The following NPC1 variants were observed in gnomAD, a reference collection of about 807,000 sequenced individuals.
NPC1 encodes NPC intracellular cholesterol transporter 1, also known as Niemann-Pick C1 protein.
A neutral mutation model predicts 140.4 loss-of-function variants in NPC1; 85 were observed. That is an observed-to-expected ratio of 0.61 (90% CI 0.51 to 0.72). NPC1 has a LOEUF of 0.72. NPC1 is among the 30% of genes least tolerant of loss of function. The probability of loss-of-function intolerance (pLI) is 0.00; values close to 1 mark genes in which losing one functional copy is unlikely to be tolerated. For synonymous variants in NPC1, 656 were observed against 624.8 expected (o/e 1.05, Z -0.74); for missense variants, 1,504 against 1,623.8 (o/e 0.93, Z 1.27).
chr18:23,530,622 C>T (rs1567937841), downstream of NPC1: 41 of 1,609,958 alleles, frequency 2.5e-5, no homozygotes, highest in Non-Finnish European at 2.9e-5. Context: ...GGTGAGAATG[C>T]AATGAAAAGA....
At chr18:23,540,964 T>A (rs2058704714) in intron 16 of NPC1, 104 bp downstream of exon 16, 1 of 1,340,678 alleles carries the variant, frequency 7.5e-7, no homozygotes, top group Non-Finnish European at 1.1e-6. Context: ...AGATACATTT[T>A]AACAGCTTTA....
chr18:23,539,516 G>T, intron 18 of NPC1, 46 bp from the exon 19 acceptor site: 1 of 1,331,800 alleles, frequency 7.5e-7, no homozygotes, highest in Non-Finnish European at 1.1e-6. Context: ...CAGGGAGGAA[G>T]TCTTTAGTTT....
intron 4 of NPC1, among the ~76,000 whole-genome samples, chr18:23,564,517 C>A (rs959260581): frequency 1.3e-5 from 2 of 151,526 alleles, no homozygotes; most frequent in African/African-American, 2.4e-5. Flanking sequence ...GACACAGGGT[C>A]TCACTTTGTC....
At chr18:23,517,552 T>TG (rs2058041786), downstream of NPC1, among the ~76,000 whole-genome samples, 1 of 152,234 alleles carries the variant, frequency 6.6e-6, no homozygotes, top group South Asian at 2.1e-4. Context: ...AACCCCTGTA[T>TG]GCCTGTATCT....
intron 8 of NPC1, among the ~76,000 whole-genome samples, chr18:23,555,480 AACAG>A (rs1338297768): frequency 1.3e-5 from 2 of 152,280 alleles, no homozygotes; most frequent in African/African-American, 2.4e-5. Context: ...TGGAAAAAGC[AACAG>A]ACAGTCACTG....
At chr18:23,565,022 T>G (rs2059102686) in intron 4 of NPC1, among the ~76,000 whole-genome samples, 1 of 152,228 alleles carries the variant, frequency 6.6e-6, no homozygotes, top group East Asian at 1.9e-4. Flanking sequence ...ATTCCATTGA[T>G]CTATATGTCT....
At position 23,535,576 on chromosome 18, in the gene NPC1, C is replaced by T; in HGVS notation, c.3370G>A (p.Ala1124Thr). The change falls in exon 22 of 25, where the codon GCA becomes ACA. Residue 1124 changes from alanine (A) to threonine (T), a missense_variant. Coordinates refer to ENST00000269228, the MANE Select transcript of NPC1 (RefSeq NM_000271.5). The part of the protein sequence containing the change: ...MVLLGCELWS[A>T]VIMCATIAMV... Reference sequence around the variant, plus strand: ...GCGATGGTGGCACACATGATGACTGCAGACCAGAGCTCACAGCCCAGGAGG... The same window carrying T: ...GCGATGGTGGCACACATGATGACTGTAGACCAGAGCTCACAGCCCAGGAGG... The T allele has an allele frequency of 1.9e-6, 3 of 1,614,090 alleles. No homozygotes were observed. The South Asian group carries it at 3.3e-5, about 18-fold the overall frequency.
intron 9 of NPC1, among the ~76,000 whole-genome samples, chr18:23,552,868 G>A (rs920426862): frequency 1.3e-5 from 2 of 152,190 alleles, no homozygotes; most frequent in Non-Finnish European, 2.9e-5. Flanking sequence ...TGAGGAAGGC[G>A]AGGGCGAGGC....
chr18:23,582,399 C>A lies in NPC1; in HGVS notation c.57+3888G>T, dbSNP rs568391595. The stretch of plus-strand genomic sequence containing the variant: ...TGAAGAAAAACCTGGCTGGCCGCAG[C>A]TGATCACTGCCATCACCTAGAAACC... On this transcript the variant is annotated intron_variant, in intron 1 of 24. Transcript: ENST00000269228. 3.9e-5 allele frequency among the ~76,000 whole-genome samples: 6 copies of A among 152,316 alleles called. No homozygotes were observed. The South Asian group carries it at 6.2e-4, about 16-fold the overall frequency.
At chr18:23,575,548 G>A (rs1232171067) in intron 1 of NPC1, among the ~76,000 whole-genome samples, 2 of 151,972 alleles carry the variant, frequency 1.3e-5, no homozygotes, top group East Asian at 3.9e-4. Flanking sequence ...GATCAAATAA[G>A]GGCCTATCTG....
chr18:23,515,192 G>A (rs550528202), intron 3 of NPC1, among the ~76,000 whole-genome samples: 18 of 152,274 alleles, frequency 1.2e-4, no homozygotes, highest in South Asian at 4.1e-4. Context: ...GCTCTTAGGT[G>A]TATCCATGTG....
chr18:23,544,518 C>T lies in NPC1; in HGVS notation c.1956G>A (p.Ser652=), dbSNP rs759777593. 5.0e-6 allele frequency: 8 copies of T among 1,614,140 alleles called. No homozygotes were observed. Among genetic ancestry groups the T allele is most frequent in the East Asian group, 2.2e-5 (1 of 44,894 alleles). ...TGCCCGCGATGCCTAGTGAGACCTT[C>T]GAATCCACCTGAGAGAGGCGACAGA... ...MKSCRRLLVD[S]KVSLGIAGIL... The change falls in exon 13 of 25, where the codon TCG becomes TCA. Residue 652 remains serine, a synonymous_variant. Transcript: ENST00000269228.
chr18:23,549,743 T>C (rs1307652009), intron 10 of NPC1, among the ~76,000 whole-genome samples: 1 of 139,084 alleles, frequency 7.2e-6, no homozygotes, highest in African/African-American at 2.8e-5. Flanking sequence ...TTTTCACAAC[T>C]TTTTTTTTTT....
At position 23,535,579 on chromosome 18, in the gene NPC1, A is replaced by G; in HGVS notation, c.3367T>C (p.Ser1123Pro). ...TMVLLGCELW[S>P]AVIMCATIAM... ...ATGGTGGCACACATGATGACTGCAG[A>G]CCAGAGCTCACAGCCCAGGAGGACC... Residue 1123 changes from serine (S) to proline (P), a missense_variant, in exon 22 of 25, where the codon TCT (serine) becomes CCT (proline). Transcript: ENST00000269228. The G allele has an allele frequency of 6.2e-7, 1 of 1,614,132 alleles. No homozygotes were observed. Among genetic ancestry groups the G allele is most frequent in the Non-Finnish European group, 8.5e-7 (1 of 1,179,998 alleles).
At position 23,543,560 on chromosome 18, in the gene NPC1, G is replaced by A. The variant is rs770762664; in HGVS notation, c.2140C>T (p.Arg714Cys). 5 of 1,535,690 alleles carry A rather than the reference G, an allele frequency of 3.3e-6. No individual in the cohort carries two copies. Among genetic ancestry groups the A allele is most frequent in the African/African-American group, 3.2e-5 (2 of 62,692 alleles). ...ILVQAYQRDE[R>C]LQGETLDQQL... The stretch of plus-strand genomic sequence containing the variant: ...TGATCCAGGGTTTCCCCTTGAAGAC[G>A]TTCATCTCTCTTAAAAAAAAAAAAA... Residue 714 changes from arginine to cysteine, a missense_variant, in exon 14 of 25, where the codon CGT becomes TGT. Coordinates refer to ENST00000269228, the MANE Select transcript of NPC1 (RefSeq NM_000271.5).
At chr18:23,523,834 G>A (rs77987005) in intron 1 of NPC1, among the ~76,000 whole-genome samples, 2,230 of 152,138 alleles carry the variant, frequency 0.015, 53 homozygotes, top group African/African-American at 0.051. Flanking sequence ...GTTCCTTAAC[G>A]TGCATATGTA....
At chr18:23,558,191 TTGAG>T (rs1426276336) in intron 6 of NPC1, among the ~76,000 whole-genome samples, 2 of 152,092 alleles carry the variant, frequency 1.3e-5, no homozygotes, top group Non-Finnish European at 2.9e-5. Context: ...AAATCAGTGG[TTGAG>T]TTTCAGGAGG....
chr18:23,530,926 G>A (rs1458377179), downstream of NPC1, among the ~76,000 whole-genome samples: 1 of 152,168 alleles, frequency 6.6e-6, no homozygotes, highest in Non-Finnish European at 1.5e-5. Context: ...ACGGCAAATG[G>A]TGGCTAAGGG....
chr18:23,551,474 C>T (rs1688997479), intron 10 of NPC1, 153 bp downstream of exon 10: 4 of 744,592 alleles, frequency 5.4e-6, no homozygotes, highest in Non-Finnish European at 9.6e-6. Context: ...AAACCCAAAC[C>T]CAAAGCCAAA....
Sources: allele counts gnomAD v4.1 joint callset (sites outside exome capture counted in the v4.1 genomes callset), GRCh38; gene constraint gnomAD v4.1.1; transcripts MANE v1.5; gene names NCBI Gene and HGNC (gene_info 2026-07-23, HGNC 2026-07-21).